HTR2C: variants seen among roughly 807,000 people sequenced by gnomAD.
HTR2C encodes the protein 5-hydroxytryptamine receptor 2C.
HTR2C carries 5 observed loss-of-function variants against 21.0 expected under a neutral mutation model. The ratio of observed to expected loss-of-function variants is 0.24; its 90% CI spans 0.12 to 0.50. HTR2C has a LOEUF of 0.50. Ranked by LOEUF, HTR2C falls within the 20% of genes least tolerant of loss-of-function variation. The pLI, the probability that HTR2C is intolerant of heterozygous loss-of-function variation, is 0.98. For missense variants in HTR2C, 271 were observed against 371.2 expected (o/e 0.73, Z 2.22); for synonymous variants, 150 against 145.3 (o/e 1.03, Z -0.23).
intron 5 of HTR2C, among the ~76,000 whole-genome samples, chrX:114,881,059 T>G (rs1342880315): frequency 9.0e-6 from 1 of 110,818 alleles, no homozygotes; most frequent in Non-Finnish European, 1.9e-5. Context: ...CATCGTACTG[T>G]GTGTAAAGTG....
intron 4 of HTR2C, among the ~76,000 whole-genome samples, chrX:114,767,924 T>C (rs1285030493): frequency 2.7e-5 from 3 of 109,853 alleles, no homozygotes; most frequent in Non-Finnish European, 3.8e-5. Context: ...CTCAGTGTTC[T>C]GTTGAAGGGC....
intron 5 of HTR2C, among the ~76,000 whole-genome samples, chrX:114,878,374 C>G (rs1444006341): frequency 9.1e-6 from 1 of 110,396 alleles, no homozygotes; most frequent in Non-Finnish European, 1.9e-5. Flanking sequence ...TATTGTGAAA[C>G]AGTACTATAA....
rs201795047 is a variant in HTR2C, at chrX:114,688,791, CTG to C, written c.-79-38066_-79-38065del. 2.8e-3 allele frequency among the ~76,000 whole-genome samples: 316 copies of C among 111,243 alleles called. 4 individuals carry two copies. Among genetic ancestry groups the C allele is most frequent in the East Asian group, 0.028 (99 of 3,486 alleles). On this transcript the variant is annotated intron_variant, in intron 2 of 5. Coordinates refer to ENST00000276198, the MANE Select transcript of HTR2C (RefSeq NM_000868.4). ...CCAGGGCCTAGCATTAAAGAGAAAA[CTG>C]AGAAAATTTGCATAGCTGTGGTGTT...
At chrX:114,691,324 G>T (rs141210748) in intron 2 of HTR2C, among the ~76,000 whole-genome samples, 1,658 of 111,108 alleles carry the variant, frequency 0.015, 24 homozygotes, top group Middle Eastern at 0.056. Context: ...AGTGTTAGAG[G>T]TTACAGAACA....
intron 4 of HTR2C, among the ~76,000 whole-genome samples, chrX:114,835,954 A>C: frequency 9.2e-6 from 1 of 108,373 alleles, no homozygotes; most frequent in Middle Eastern, 4.7e-3. Flanking sequence ...GGTCTGTTGG[A>C]ATACCCTGCC....
rs782140696 is a variant in HTR2C, at chrX:114,825,722, T to C, written c.350-22281T>C. On this transcript the variant is annotated intron_variant, in intron 4 of 5. Coordinates refer to ENST00000276198, the MANE Select transcript of HTR2C (RefSeq NM_000868.4). The stretch of plus-strand genomic sequence containing the variant: ...AACTGAGGAAGGGGTGTTGAAATCT[T>C]GAAGTGTAATTGTAATTCTACTTTT... Among the ~76,000 whole-genome samples, 5 of 112,046 alleles carry C rather than the reference T, an allele frequency of 4.5e-5. No homozygotes were observed. In the Admixed American group the frequency reaches 4.8e-4, roughly 11 times the overall value.
chrX:114,590,307 T>C (rs889039514), intron 1 of HTR2C, among the ~76,000 whole-genome samples: 2 of 112,025 alleles, frequency 1.8e-5, no homozygotes, highest in Non-Finnish European at 3.8e-5. Flanking sequence ...ATTTCTTACT[T>C]CCATTTTAAA....
chrX:114,796,437 G>A (rs1413394580), intron 4 of HTR2C, among the ~76,000 whole-genome samples: 3 of 111,363 alleles, frequency 2.7e-5, no homozygotes, highest in Non-Finnish European at 3.8e-5. Flanking sequence ...AGCAGAGGTC[G>A]CTGAAAGGAT....
In HTR2C at chrX:114,750,498, G is replaced by A. The variant is rs782350003; in HGVS notation, c.349+18891G>A. Among the ~76,000 whole-genome samples, 11 of 112,259 alleles carry A rather than the reference G, an allele frequency of 9.8e-5. No individual in the cohort carries two copies. In the South Asian group the frequency reaches 3.7e-3, roughly 37 times the overall value. ...TTAAGAAAGTTGTGTATAATTATTC[G>A]TATGTAGCTTTGCAGGAAATGACAA... On this transcript the variant is annotated intron_variant, in intron 4 of 5. Coordinates refer to ENST00000276198, the MANE Select transcript of HTR2C (RefSeq NM_000868.4).
chrX:114,601,734 T>TA (rs1411169387), intron 1 of HTR2C, among the ~76,000 whole-genome samples: 5 of 107,265 alleles, frequency 4.7e-5, no homozygotes, highest in African/African-American at 1.7e-4. Flanking sequence ...TCCTGCCTTC[T>TA]TATATTAATA....
chrX:114,880,630 G>T (rs1285285992), intron 5 of HTR2C, among the ~76,000 whole-genome samples: 1 of 111,123 alleles, frequency 9.0e-6, no homozygotes, highest in African/African-American at 3.2e-5. Context: ...TGTCTCTGTA[G>T]ATTTGCCTAC....
chrX:114,703,958 G>A (rs1403035766), intron 2 of HTR2C, among the ~76,000 whole-genome samples: 3 of 110,351 alleles, frequency 2.7e-5, no homozygotes, highest in Non-Finnish European at 5.7e-5. Context: ...AGAAAATCTA[G>A]AAGAAATGGA....
intron 2 of HTR2C, among the ~76,000 whole-genome samples, chrX:114,669,831 A>G (rs1931306024): frequency 8.9e-6 from 1 of 112,682 alleles, no homozygotes; most frequent in Admixed American, 9.4e-5. Context: ...TGCATTTTTC[A>G]CTGTCTCCAT....
intron 4 of HTR2C, among the ~76,000 whole-genome samples, chrX:114,824,718 T>G (rs1316418480): frequency 8.9e-6 from 1 of 112,394 alleles, no homozygotes; most frequent in Non-Finnish European, 1.9e-5. Context: ...GGCTTTGGCA[T>G]TCTTCACAGT....
chrX:114,720,213 T>G (rs781976255), intron 2 of HTR2C, among the ~76,000 whole-genome samples: 2 of 111,007 alleles, frequency 1.8e-5, no homozygotes, highest in South Asian at 7.7e-4. Context: ...ACACAGAATA[T>G]TTTGAGTTCC....
At position 114,719,318 on chromosome X, in the gene HTR2C, C is replaced by T. The variant is rs185018924; in HGVS notation, c.-79-7540C>T. Among the ~76,000 whole-genome samples the T allele has an allele frequency of 2.0e-4, 22 of 110,364 alleles. No individual in the cohort carries two copies. The East Asian group carries it at 4.5e-3, about 23-fold the overall frequency. On this transcript the variant is annotated intron_variant, in intron 2 of 5. Coordinates refer to ENST00000276198, the MANE Select transcript of HTR2C (RefSeq NM_000868.4). ...TCAGAAAGTTTCATTAGAGTTGTTTCGCTATGTTTTTCAGTTTCTGTTATT... is the reference window on the plus strand; with the variant it reads ...TCAGAAAGTTTCATTAGAGTTGTTTTGCTATGTTTTTCAGTTTCTGTTATT...
At chrX:114,639,729 A>G (rs1183314379) in intron 2 of HTR2C, among the ~76,000 whole-genome samples, 1 of 112,299 alleles carries the variant, frequency 8.9e-6, no homozygotes, top group Non-Finnish European at 1.9e-5. Flanking sequence ...TTGTTCACAG[A>G]TTATAATGTT....
chrX:114,875,818 A>C (rs2071129120), intron 5 of HTR2C, among the ~76,000 whole-genome samples: 2 of 106,238 alleles, frequency 1.9e-5, no homozygotes, highest in Admixed American at 2.1e-4. Context: ...TGAAATAAAG[A>C]CATATGATGC....
intron 2 of HTR2C, among the ~76,000 whole-genome samples, chrX:114,653,087 TATA>T (rs1227413855): frequency 9.2e-6 from 1 of 109,193 alleles, no homozygotes; most frequent in Non-Finnish European, 1.9e-5. Flanking sequence ...ATTACATTGA[TATA>T]ATATGAAATA....
Sources: allele counts gnomAD v4.1 joint callset (sites outside exome capture counted in the v4.1 genomes callset), GRCh38; gene constraint gnomAD v4.1.1; transcripts MANE v1.5; gene names NCBI Gene and HGNC (gene_info 2026-07-23, HGNC 2026-07-21).